RBPJ: variants seen among roughly 807,000 people sequenced by gnomAD.
The protein encoded by RBPJ is recombining binding protein suppressor of hairless.
In RBPJ, 9 loss-of-function variants were observed where a neutral mutation model predicts 67.8. That is an observed-to-expected ratio of 0.13 (90% CI 0.08 to 0.23). The LOEUF is 0.23. RBPJ is among the 10% of genes least tolerant of loss of function. RBPJ has a pLI of 1.00. For missense variants in RBPJ, 305 were observed against 595.6 expected (o/e 0.51, Z 5.08); for synonymous variants, 198 against 203.3 (o/e 0.97, Z 0.22).
intron 1 of RBPJ, among the ~76,000 whole-genome samples, chr4:26,277,094 A>G (rs1445327681): frequency 6.7e-6 from 1 of 149,942 alleles, no homozygotes; most frequent in East Asian, 2.0e-4. Flanking sequence ...AGCCTGGGCA[A>G]CATAGTGAGA....
chr4:26,321,119 C>A, intron 1 of RBPJ, 71 bp downstream of exon 1: 1 of 1,323,748 alleles, frequency 7.6e-7, no homozygotes, highest in Non-Finnish European at 1.1e-6. Context: ...CGGCGGGCAG[C>A]GGGTTCGGGG....
At chr4:26,225,207 T>G (rs535454989) in intron 1 of RBPJ, among the ~76,000 whole-genome samples, 1 of 152,350 alleles carries the variant, frequency 6.6e-6, no homozygotes, top group Admixed American at 6.5e-5. Flanking sequence ...AACTCATTGC[T>G]TTGTGGTAGG....
the RBPJ span, among the ~76,000 whole-genome samples, chr4:26,139,968 T>G: frequency 6.8e-4 from 103 of 152,330 alleles, no homozygotes; most frequent in African/African-American, 2.3e-3. Context: ...GACAGAATGC[T>G]GAGAGCATAC....
chr4:26,365,777 C>T (rs1276690499), intron 1 of RBPJ, among the ~76,000 whole-genome samples: 1 of 152,156 alleles, frequency 6.6e-6, no homozygotes, highest in East Asian at 1.9e-4. Flanking sequence ...TTCAAGGGTC[C>T]TCCTACCATC....
intron 1 of RBPJ, among the ~76,000 whole-genome samples, chr4:26,372,003 C>T (rs889950145): frequency 2.0e-5 from 3 of 152,146 alleles, no homozygotes; most frequent in African/African-American, 7.2e-5. Context: ...GCTTTCCGAC[C>T]TTCGTTTTTC....
At position 26,277,798 on chromosome 4, in the gene RBPJ, A is replaced by G. The variant is rs180770056; in HGVS notation, c.-166-84648A>G. 2.3e-3 allele frequency among the ~76,000 whole-genome samples: 347 copies of G among 152,348 alleles called. 1 individual carries two copies. The highest frequency in any genetic ancestry group is 6.8e-3 in the Middle Eastern group (2 of 294). On this transcript the variant is annotated intron_variant, in intron 1 of 4. Transcript: ENST00000512351. ...TGACCCTCTCTAGCCCCAAAAGTCC[A>G]GAGGAAGAATTTTGCAAGCATGATT...
At chr4:26,250,733 A>G (rs916025450) in intron 1 of RBPJ, among the ~76,000 whole-genome samples, 1 of 152,176 alleles carries the variant, frequency 6.6e-6, no homozygotes, top group Non-Finnish European at 1.5e-5. Flanking sequence ...CCTTTGGGTT[A>G]TTGTAAATAA....
chr4:26,171,937 A>G (rs1188852992), intron 1 of RBPJ, among the ~76,000 whole-genome samples: 2 of 152,208 alleles, frequency 1.3e-5, no homozygotes, highest in Non-Finnish European at 2.9e-5. Context: ...TGTATATGCC[A>G]TGGGCTTTAG....
At chr4:26,357,520 A>G (rs752922034) in intron 1 of RBPJ, among the ~76,000 whole-genome samples, 1 of 152,240 alleles carries the variant, frequency 6.6e-6, no homozygotes, top group Non-Finnish European at 1.5e-5. Context: ...GTAAGTTACT[A>G]TCCACTATTT....
upstream of RBPJ, among the ~76,000 whole-genome samples, chr4:26,159,905 T>TTCTCTCTC (rs35911476): frequency 6.8e-6 from 1 of 147,118 alleles, no homozygotes; most frequent in Non-Finnish European, 1.5e-5. Flanking sequence ...GCAAGAAGCT[T>TTCTCTCTC]TCTCTCTCTC....
intron 1 of RBPJ, among the ~76,000 whole-genome samples, chr4:26,345,809 T>G (rs905836053): frequency 2.6e-5 from 4 of 152,218 alleles, no homozygotes; most frequent in African/African-American, 9.6e-5. Context: ...CATCCCGTAC[T>G]TTGAGGCATT....
chr4:26,321,307 A>C (rs28613142), intron 1 of RBPJ: 97,784 of 147,460 alleles, frequency 0.66, 32,663 homozygotes, highest in African/African-American at 0.72. Flanking sequence ...TGAGTGCGGC[A>C]GGGCGCGCGG....
At chr4:26,209,413 G>T (rs1251075578) in intron 1 of RBPJ, among the ~76,000 whole-genome samples, 1 of 152,100 alleles carries the variant, frequency 6.6e-6, no homozygotes. Flanking sequence ...AAGTAATGCA[G>T]CAATTACTTA....
intron 1 of RBPJ, among the ~76,000 whole-genome samples, chr4:26,379,747 A>T (rs1730126289): frequency 6.6e-6 from 1 of 151,998 alleles, no homozygotes; most frequent in African/African-American, 2.4e-5. Flanking sequence ...CTAATTTTTA[A>T]TATTTTTGTA....
chr4:26,195,275 C>T (rs1717713400), intron 1 of RBPJ, among the ~76,000 whole-genome samples: 1 of 152,120 alleles, frequency 6.6e-6, no homozygotes, highest in African/African-American at 2.4e-5. Context: ...GAGGCTGAGG[C>T]AGGAGGATCA....
At chr4:26,306,039 C>G (rs907580465) in intron 1 of RBPJ, among the ~76,000 whole-genome samples, 1 of 150,872 alleles carries the variant, frequency 6.6e-6, no homozygotes, top group Non-Finnish European at 1.5e-5. Context: ...ACCCACCTAG[C>G]CTCCCAAAGT....
chr4:26,314,194 A>G (rs1013222566), intron 1 of RBPJ, among the ~76,000 whole-genome samples: 3 of 152,216 alleles, frequency 2.0e-5, no homozygotes, highest in African/African-American at 7.2e-5. Flanking sequence ...GCAAAAGTAC[A>G]TAAAAAGCAG....
At chr4:26,109,448 CTCTCTCTCTCTCTATATATA>C in the RBPJ span, among the ~76,000 whole-genome samples, 1 of 26,328 alleles carries the variant, frequency 3.8e-5, no homozygotes, top group Non-Finnish European at 7.0e-5. Context: ...CTCTCTCTCT[CTCTCTCTCTCTCTATATATA>C]TATATATATA....
chr4:26,339,794 C>A (rs2725311), intron 1 of RBPJ, among the ~76,000 whole-genome samples: 1 of 152,058 alleles, frequency 6.6e-6, no homozygotes, highest in African/African-American at 2.4e-5. Context: ...CCAAGGTGGG[C>A]GGATCACCTG....
Sources: allele counts gnomAD v4.1 joint callset (sites outside exome capture counted in the v4.1 genomes callset), GRCh38; gene constraint gnomAD v4.1.1; transcripts MANE v1.5; gene names NCBI Gene and HGNC (gene_info 2026-07-23, HGNC 2026-07-21).